Variants in KIDINS220 observed in about 807,000 individuals in gnomAD.
KIDINS220 encodes the protein kinase D interacting substrate 220, also known as kinase D-interacting substrate of 220 kDa.
KIDINS220 carries 63 observed loss-of-function variants against 157.6 expected under a neutral mutation model. The ratio of observed to expected loss-of-function variants is 0.40; its 90% CI spans 0.33 to 0.49. The LOEUF (loss-of-function observed/expected upper bound fraction) is 0.49, where lower values mean the gene tolerates loss of function less well. Among genes scored for constraint, KIDINS220 ranks in the 20% least tolerant of loss-of-function variants. The pLI is 0.66. For synonymous variants in KIDINS220, 732 were observed against 783.6 expected (o/e 0.93, Z 1.10); for missense variants, 1,772 against 2,171.2 (o/e 0.82, Z 3.65).
intron 18 of KIDINS220, 135 bp from the exon 19 acceptor site, chr2:8,779,274 T>C (rs1671380207): frequency 1.7e-5 from 19 of 1,143,226 alleles, no homozygotes; most frequent in South Asian, 3.2e-5. Flanking sequence ...AAACTTACTC[T>C]GCACAAAAGC....
chr2:8,748,783 A>G (rs1261726345), intron 24 of KIDINS220, among the ~76,000 whole-genome samples: 1 of 152,256 alleles, frequency 6.6e-6, no homozygotes, highest in Non-Finnish European at 1.5e-5. Context: ...AAAAGTAGCT[A>G]GATTTAAAAA....
At chr2:8,755,691 T>G (rs369855746) in intron 22 of KIDINS220, among the ~76,000 whole-genome samples, 1 of 152,262 alleles carries the variant, frequency 6.6e-6, no homozygotes, top group African/African-American at 2.4e-5. Context: ...TTCATTCTTT[T>G]GCATGTGGAA....
At chr2:8,742,393 G>A (rs1665755154) in intron 26 of KIDINS220, among the ~76,000 whole-genome samples, 1 of 151,970 alleles carries the variant, frequency 6.6e-6, no homozygotes, top group Admixed American at 6.6e-5. Context: ...GCCATCCCAT[G>A]GGGACTTGTT....
chr2:8,726,840 C>T (rs1381427949), downstream of KIDINS220: 24 of 982,730 alleles, frequency 2.4e-5, no homozygotes, highest in East Asian at 2.4e-4. Context: ...AACGTCCTAA[C>T]GTGGCATATG....
rs115756568 is a variant in KIDINS220 at position 8,789,224 on chromosome 2, G to A, written c.1622-412C>T. 4.0e-3 allele frequency among the ~76,000 whole-genome samples: 603 copies of A among 151,398 alleles called. 4 individuals are homozygous for A. Among genetic ancestry groups the A allele is most frequent in the Admixed American group, 6.4e-3 (97 of 15,204 alleles). ...TAGATAAAATTAAAAGTACAGACAT[G>A]GTCAAAATGCTCAAGAGCATACCAA... On this transcript the variant is annotated intron_variant, in intron 14 of 29. Coordinates refer to ENST00000256707, the MANE Select transcript of KIDINS220 (RefSeq NM_020738.4).
chr2:8,749,991 T>C lies in KIDINS220; in HGVS notation c.3414+121A>G, dbSNP rs1667107227. ...AGTCCTATATTTTACATTCAAACTT[T>C]ACATTTTTCCTATGCTAAAGCCAAA... On this transcript the variant is annotated intron_variant, in intron 24 of 29. Coordinates refer to ENST00000256707, the MANE Select transcript of KIDINS220 (RefSeq NM_020738.4). 6 of 746,826 alleles carry C rather than the reference T, an allele frequency of 8.0e-6. No homozygotes were observed. The Admixed American group carries it at 1.2e-4, about 15-fold the overall frequency. 46.3% of individuals were successfully genotyped at this position (746,826 alleles called of 1,614,324 possible).
chr2:8,770,437 T>C (rs1670045717), intron 22 of KIDINS220, among the ~76,000 whole-genome samples: 1 of 152,112 alleles, frequency 6.6e-6, no homozygotes, highest in Non-Finnish European at 1.5e-5. Flanking sequence ...AAATAAACTT[T>C]ATATACCTGA....
rs532352984 is a variant in KIDINS220, at chr2:8,834,359, T to C, written c.-37+3121A>G. 3.6e-4 allele frequency among the ~76,000 whole-genome samples: 54 copies of C among 151,966 alleles called. 1 individual carries two copies. In the South Asian group the frequency reaches 0.011, roughly 32 times the overall value. ...CTCAACTCTTGCTGCTCCTTCTCCT[T>C]GACTCTACTCAGGCCACAGTGACTT... On this transcript the variant is annotated intron_variant, in intron 1 of 29. Coordinates refer to ENST00000256707, the MANE Select transcript of KIDINS220 (RefSeq NM_020738.4).
At chr2:8,804,541 T>G (rs1675174208) in intron 7 of KIDINS220, among the ~76,000 whole-genome samples, 1 of 152,230 alleles carries the variant, frequency 6.6e-6, no homozygotes, top group African/African-American at 2.4e-5. Flanking sequence ...GCTTTCTGGC[T>G]TCTGACAGCT....
rs1663730614 is a variant in KIDINS220, at chr2:8,729,456, C to T, written c.*1264G>A. 6 of 985,400 alleles carry T rather than the reference C, an allele frequency of 6.1e-6. No individual in the cohort carries two copies. Among genetic ancestry groups the T allele is most frequent in the East Asian group, 1.1e-4 (1 of 8,820 alleles). 61.0% of individuals were successfully genotyped at this position (985,400 alleles called of 1,614,324 possible). On this transcript the variant is annotated 3_prime_UTR_variant, in exon 30 of 30. Coordinates refer to ENST00000256707, the MANE Select transcript of KIDINS220 (RefSeq NM_020738.4). ...TCTACATAAATGAGCTATGTTAAAACGATAACAATATTTCATTGCATGATG... is the reference window on the plus strand; with the variant it reads ...TCTACATAAATGAGCTATGTTAAAATGATAACAATATTTCATTGCATGATG...
rs1679825484 is a variant in KIDINS220, at chr2:8,832,680, T to C, written c.-37+4800A>G. Among the ~76,000 whole-genome samples the C allele has an allele frequency of 2.6e-5, 4 of 152,204 alleles. No homozygotes were observed. The South Asian group carries it at 8.3e-4, about 31-fold the overall frequency. ...TTGATGTATTAAGTCTACGTTCATT[T>C]TCAATAGAAAAAAAAATGTTTCATC... On this transcript the variant is annotated intron_variant, in intron 1 of 29. Coordinates refer to ENST00000256707, the MANE Select transcript of KIDINS220 (RefSeq NM_020738.4).
At chr2:8,738,850 C>CT (rs950252747) in intron 26 of KIDINS220, among the ~76,000 whole-genome samples, 1 of 152,076 alleles carries the variant, frequency 6.6e-6, no homozygotes, top group African/African-American at 2.4e-5. Context: ...TTAATTTTTG[C>CT]TTTTGATTAT....
chr2:8,774,628 A>C (rs1017114958), intron 21 of KIDINS220, among the ~76,000 whole-genome samples: 2 of 152,198 alleles, frequency 1.3e-5, no homozygotes, highest in South Asian at 4.1e-4. Flanking sequence ...AGAAATAGCA[A>C]TTGCAGGAGG....
intron 2 of KIDINS220, among the ~76,000 whole-genome samples, chr2:8,823,123 C>T (rs749386121): frequency 6.6e-6 from 1 of 151,958 alleles, no homozygotes; most frequent in African/African-American, 2.4e-5. Context: ...CTAAAAGGTG[C>T]CACACCTGGC....
At chr2:8,744,397 A>ATC (rs1666225672) in intron 26 of KIDINS220, among the ~76,000 whole-genome samples, 11 of 26,286 alleles carry the variant, frequency 4.2e-4, no homozygotes, top group Non-Finnish European at 5.8e-4. Flanking sequence ...AAATATATAT[A>ATC]TATAATATAT....
chr2:8,819,532 T>C (rs930631124), intron 2 of KIDINS220, among the ~76,000 whole-genome samples: 2 of 152,054 alleles, frequency 1.3e-5, no homozygotes, highest in African/African-American at 4.8e-5. Context: ...GATCGGCAAA[T>C]ACCAGGTTAG....
intron 22 of KIDINS220, among the ~76,000 whole-genome samples, chr2:8,764,951 G>GT (rs1319081156): frequency 2.5e-4 from 38 of 152,250 alleles, no homozygotes; most frequent in African/African-American, 8.7e-4. Flanking sequence ...GTATAAGAAG[G>GT]TAACTATGGC....
intron 15 of KIDINS220, among the ~76,000 whole-genome samples, chr2:8,786,923 C>A (rs1672479675): frequency 6.6e-6 from 1 of 152,150 alleles, no homozygotes; most frequent in African/African-American, 2.4e-5. Flanking sequence ...AATTGATCTT[C>A]AAAATTAAGT....
At chr2:8,824,666 T>C (rs1035621613) in intron 2 of KIDINS220, among the ~76,000 whole-genome samples, 1 of 151,876 alleles carries the variant, frequency 6.6e-6, no homozygotes, top group Non-Finnish European at 1.5e-5. Context: ...GGCAATGGAG[T>C]GAGAACCTGT....
Sources: gnomAD v4.1 joint callset for allele counts (sites outside exome capture counted in the v4.1 genomes callset) on GRCh38, gnomAD v4.1.1 for gene constraint, MANE v1.5 for transcripts, NCBI Gene and HGNC (gene_info 2026-07-23, HGNC 2026-07-21) for gene names.